The following ATG10 variants were observed in gnomAD, a reference collection of about 807,000 sequenced individuals.
ATG10 encodes the protein ubiquitin-like-conjugating enzyme ATG10.
ATG10 carries 30 observed loss-of-function variants against 32.1 expected under a neutral mutation model. That is an observed-to-expected ratio of 0.94 (90% CI 0.70 to 1.27). The LOEUF is 1.27. ATG10 is among the 50% of genes most tolerant of loss of function. ATG10 has a pLI of 0.00. For synonymous variants in ATG10, 87 were observed against 91.5 expected (o/e 0.95, Z 0.28); for missense variants, 233 against 262.3 (o/e 0.89, Z 0.77).
chr5:82,225,818 G>A (rs1358057370), intron 5 of ATG10, among the ~76,000 whole-genome samples: 2 of 152,168 alleles, frequency 1.3e-5, no homozygotes, highest in African/African-American at 4.8e-5. Flanking sequence ...GACTCCATTA[G>A]AGCAAATGCA....
intron 2 of ATG10, among the ~76,000 whole-genome samples, chr5:82,006,939 T>C (rs902877072): frequency 2.6e-5 from 4 of 152,082 alleles, no homozygotes; most frequent in Non-Finnish European, 4.4e-5. Context: ...CTGCAACCTC[T>C]GCCTCCTAGG....
At chr5:82,048,488 G>A (rs1312167855) in intron 2 of ATG10, among the ~76,000 whole-genome samples, 1 of 152,102 alleles carries the variant, frequency 6.6e-6, no homozygotes, top group African/African-American at 2.4e-5. Flanking sequence ...ATAGGCATGG[G>A]CAAGGACTTC....
intron 5 of ATG10, among the ~76,000 whole-genome samples, chr5:82,231,846 T>G (rs892198666): frequency 1.3e-5 from 2 of 152,222 alleles, no homozygotes; most frequent in African/African-American, 4.8e-5. Flanking sequence ...GAGCTATAGC[T>G]GTAACTGGAG....
intron 3 of ATG10, among the ~76,000 whole-genome samples, chr5:82,117,299 A>G (rs1053656371): frequency 1.2e-4 from 19 of 152,112 alleles, no homozygotes; most frequent in African/African-American, 4.6e-4. Context: ...GACAGTTTTC[A>G]CTGAGAAGAA....
At chr5:82,027,514 A>T (rs1021865925) in intron 2 of ATG10, among the ~76,000 whole-genome samples, 5 of 152,182 alleles carry the variant, frequency 3.3e-5, no homozygotes, top group African/African-American at 1.2e-4. Flanking sequence ...GATATAAATG[A>T]TTACTTTTAT....
At chr5:82,100,672 A>G (rs1307317083) in intron 3 of ATG10, among the ~76,000 whole-genome samples, 1 of 151,856 alleles carries the variant, frequency 6.6e-6, no homozygotes, top group Non-Finnish European at 1.5e-5. Context: ...CATCACCTAA[A>G]GTTCTATACT....
At chr5:82,049,063 A>G (rs1763316014) in intron 2 of ATG10, among the ~76,000 whole-genome samples, 2 of 151,530 alleles carry the variant, frequency 1.3e-5, no homozygotes, top group African/African-American at 4.8e-5. Context: ...TACCCAAAGG[A>G]CTATAAATCA....
intron 2 of ATG10, among the ~76,000 whole-genome samples, chr5:82,050,999 A>T (rs1763400384): frequency 6.6e-6 from 1 of 152,120 alleles, no homozygotes; most frequent in South Asian, 2.1e-4. Flanking sequence ...TGACAGAGTA[A>T]GACCCTATCT....
At chr5:82,159,487 G>T (rs1003918172) in intron 3 of ATG10, among the ~76,000 whole-genome samples, 14 of 152,060 alleles carry the variant, frequency 9.2e-5, no homozygotes, top group African/African-American at 3.1e-4. Context: ...AGTGATTCAG[G>T]TTTCTTTCAC....
intron 3 of ATG10, among the ~76,000 whole-genome samples, chr5:82,157,424 G>T (rs919484896): frequency 6.6e-6 from 1 of 151,692 alleles, no homozygotes; most frequent in East Asian, 1.9e-4. Flanking sequence ...GTTGCTAAAA[G>T]AATTACGTTG....
At chr5:81,984,124 C>CA (rs1385665783) in intron 1 of ATG10, among the ~76,000 whole-genome samples, 1 of 152,264 alleles carries the variant, frequency 6.6e-6, no homozygotes, top group Admixed American at 6.5e-5. Flanking sequence ...CACTGCACTC[C>CA]AGCCTGGGCA....
intron 3 of ATG10, among the ~76,000 whole-genome samples, chr5:82,117,126 A>G (rs1210940371): frequency 6.6e-6 from 1 of 152,132 alleles, no homozygotes; most frequent in Non-Finnish European, 1.5e-5. Flanking sequence ...AAGGATGCAT[A>G]AGACATAGCC....
intron 2 of ATG10, among the ~76,000 whole-genome samples, chr5:82,055,973 C>T (rs925200699): frequency 1.3e-5 from 2 of 152,126 alleles, no homozygotes; most frequent in African/African-American, 2.4e-5. Flanking sequence ...CTATAGCCTA[C>T]GTATGTAGGA....
chr5:82,146,905 T>G lies in ATG10; in HGVS notation c.217-17494T>G, dbSNP rs547361045. 4.6e-5 allele frequency among the ~76,000 whole-genome samples: 7 copies of G among 152,330 alleles called. No homozygotes were observed. The South Asian group carries it at 1.4e-3, about 32-fold the overall frequency. ...TTCAACATCTAGATAACCTAGACGT[T>G]GGAAATATCAACATCTACATATAAA... On this transcript the variant is annotated intron_variant, in intron 3 of 7. Coordinates refer to ENST00000282185, the MANE Select transcript of ATG10 (RefSeq NM_031482.5).
intron 5 of ATG10, among the ~76,000 whole-genome samples, chr5:82,238,161 A>G (rs1462490851): frequency 6.6e-6 from 1 of 151,954 alleles, no homozygotes; most frequent in Non-Finnish European, 1.5e-5. Context: ...TCCTTGGAAC[A>G]CCCTCCACCT....
At chr5:82,245,096 T>C (rs1453932475) in intron 5 of ATG10, among the ~76,000 whole-genome samples, 2 of 152,196 alleles carry the variant, frequency 1.3e-5, no homozygotes, top group Admixed American at 6.6e-5. Context: ...CCTGAATCGA[T>C]CTAAGAAATG....
chr5:81,997,937 GAGAA>G (rs1761716706), intron 2 of ATG10, among the ~76,000 whole-genome samples: 1 of 152,246 alleles, frequency 6.6e-6, no homozygotes. Flanking sequence ...AAGAGAGGGA[GAGAA>G]AGCAAACAAC....
In ATG10 at chr5:82,074,211, C is replaced by G. The variant is rs183787929; in HGVS notation, c.216+15609C>G. Among the ~76,000 whole-genome samples, 819 of 152,184 alleles carry G rather than the reference C, an allele frequency of 5.4e-3. 4 individuals carry two copies. The highest frequency in any genetic ancestry group is 8.1e-3 in the Non-Finnish European group (554 of 68,018). ...AATGAACACGAAGACAACTAATTAC[C>G]CTTTTGTATAAAATTTCTGTCAATT... On this transcript the variant is annotated intron_variant, in intron 3 of 7. Coordinates refer to ENST00000282185, the MANE Select transcript of ATG10 (RefSeq NM_031482.5).
chr5:82,031,835 A>G (rs1196349945), intron 2 of ATG10, among the ~76,000 whole-genome samples: 2 of 152,258 alleles, frequency 1.3e-5, no homozygotes, highest in African/African-American at 4.8e-5. Context: ...GAATGTAGTC[A>G]GTCAGAAGTC....
Sources: allele counts gnomAD v4.1 joint callset (sites outside exome capture counted in the v4.1 genomes callset), GRCh38; gene constraint gnomAD v4.1.1; transcripts MANE v1.5; gene names NCBI Gene and HGNC (gene_info 2026-07-23, HGNC 2026-07-21).